Variants in PPP1R13B observed in about 807,000 individuals in gnomAD.
PPP1R13B encodes protein phosphatase 1 regulatory subunit 13B.
PPP1R13B carries 44 observed loss-of-function variants against 119.8 expected under a neutral mutation model. That is an observed-to-expected ratio of 0.37 (90% CI 0.29 to 0.47). The LOEUF (loss-of-function observed/expected upper bound fraction) is 0.47. PPP1R13B is among the 20% of genes least tolerant of loss of function. The pLI is 0.99. For missense variants in PPP1R13B, 1,227 were observed against 1,413.5 expected, an observed-to-expected ratio of 0.87 and a Z score of 2.12; for synonymous variants, 542 against 561.5, an observed-to-expected ratio of 0.97 and a Z score of 0.49.
intron 8 of PPP1R13B, chr14:103,747,338 G>C (rs947633887): frequency 2.0e-5 from 3 of 152,148 alleles, no homozygotes; most frequent in Non-Finnish European, 4.4e-5. Flanking sequence ...TTTGGGTGGA[G>C]ACGCATCTCT....
intron 3 of PPP1R13B, among the ~76,000 whole-genome samples, chr14:103,781,635 T>A (rs1286143073): frequency 1.3e-5 from 2 of 152,074 alleles, no homozygotes; most frequent in Non-Finnish European, 2.9e-5. Context: ...AAGTTAAAGG[T>A]TTTTTTGTTT....
Position 103,742,196 on chromosome 14 carries a change from A to G in PPP1R13B, c.1416T>C (p.Gly472=). The change falls in exon 11 of 17, where the codon GGT becomes GGC. Residue 472 remains glycine, a synonymous_variant. Transcript: ENST00000202556. The surrounding 1 kb of genome is among the most constrained non-coding windows in gnomAD (Gnocchi z 4.9). ...YGTYPSPTPL[G]PGSTSSLERR... ...TTTCCAGGGAGCTTGTCGACCCAGG[A>G]CCCAGAGGTGTAGGACTTGGGTATG... 2 of 1,604,220 alleles carry G rather than the reference A, an allele frequency of 1.2e-6. No homozygotes were observed. Among genetic ancestry groups the G allele is most frequent in the Non-Finnish European group, 1.7e-6 (2 of 1,179,910 alleles).
intron 1 of PPP1R13B, among the ~76,000 whole-genome samples, chr14:103,826,710 C>CAAAAAAAAAAA (rs552679526): frequency 1.1e-5 from 1 of 88,314 alleles, no homozygotes. Flanking sequence ...CTGTCTCTAC[C>CAAAAAAAAAAA]AAAAAAAAAA....
chr14:103,771,245 A>C (rs561507252), intron 4 of PPP1R13B, among the ~76,000 whole-genome samples: 2 of 152,262 alleles, frequency 1.3e-5, no homozygotes, highest in Admixed American at 1.3e-4. Flanking sequence ...GCCTTTCAGG[A>C]AAGGCCTGAC....
In PPP1R13B at chr14:103,734,489, C is replaced by CTT. The variant is rs893276097; in HGVS notation, c.*663_*664dup. 2.2e-6 allele frequency: 1 copy of CTT among 456,070 alleles called. No homozygotes were observed. Among genetic ancestry groups the CTT allele is most frequent in the South Asian group, 1.5e-5 (1 of 64,552 alleles). The allele number at this position is 456,070 out of a possible 1,614,324, so 28.3% of individuals were successfully genotyped here. On this transcript the variant is annotated 3_prime_UTR_variant, in exon 17 of 17. Transcript: ENST00000202556. ...GAGGCTCTCCCAGTTGTCACTTGGT[C>CTT]TTAGGGGTCCTGGTGCCCGTGGCGC...
intron 1 of PPP1R13B, among the ~76,000 whole-genome samples, chr14:103,805,223 C>T (rs1323307673): frequency 6.6e-6 from 1 of 152,086 alleles, no homozygotes; most frequent in Admixed American, 6.6e-5. Flanking sequence ...AATATATGTC[C>T]ACGCAAAGTC....
rs964428411 is a variant in PPP1R13B, at chr14:103,738,134, C to T, written c.2865-274G>A. 6.6e-6 allele frequency among the ~76,000 whole-genome samples: 1 copy of T among 152,254 alleles called. No homozygotes were observed. The highest frequency in any genetic ancestry group is 1.5e-5 in the Non-Finnish European group (1 of 68,050). ...TGGTGATGTGAATGTACATAACACA[C>T]TGAAACACACATTTAAAAATAGCTA... On this transcript the variant is annotated intron_variant, in intron 14 of 16. Transcript: ENST00000202556. The surrounding 1 kb of genome is among the most constrained non-coding windows in gnomAD (Gnocchi z 5.6).
At chr14:103,830,899 C>G (rs2086651473) in intron 1 of PPP1R13B, among the ~76,000 whole-genome samples, 3 of 151,884 alleles carry the variant, frequency 2.0e-5, no homozygotes, top group African/African-American at 7.3e-5. Flanking sequence ...AGAATGTAAA[C>G]TACCCCACTA....
At chr14:103,779,609 T>C (rs2085291387) in intron 3 of PPP1R13B, among the ~76,000 whole-genome samples, 1 of 120,680 alleles carries the variant, frequency 8.3e-6, no homozygotes, top group African/African-American at 3.4e-5. Context: ...AATCTGTCTC[T>C]ACAAAAAAAA....
At chr14:103,798,885 T>C (rs936752420) in intron 1 of PPP1R13B, among the ~76,000 whole-genome samples, 9 of 152,048 alleles carry the variant, frequency 5.9e-5, no homozygotes, top group African/African-American at 1.9e-4. Flanking sequence ...AGACAGGGTA[T>C]TGCCATGCTG....
chr14:103,819,333 A>C (rs1317718242), intron 1 of PPP1R13B, among the ~76,000 whole-genome samples: 2 of 152,100 alleles, frequency 1.3e-5, no homozygotes, highest in Non-Finnish European at 2.9e-5. Flanking sequence ...GCGGGGAACA[A>C]GCACAGAATT....
intron 2 of PPP1R13B, among the ~76,000 whole-genome samples, chr14:103,788,231 C>A (rs2085518948): frequency 6.6e-6 from 1 of 152,132 alleles, no homozygotes; most frequent in Non-Finnish European, 1.5e-5. Flanking sequence ...AGTATTAACA[C>A]CTGCAATTTC....
chr14:103,738,876 T>C lies in PPP1R13B; in HGVS notation c.2730+10A>G. 6.2e-7 allele frequency: 1 copy of C among 1,613,042 alleles called. No homozygotes were observed. The highest frequency in any genetic ancestry group is 1.1e-5 in the South Asian group (1 of 91,064). ...CCAGCAGCGTGCACTGGTCCCCGGC[T>C]GCAGCTCACCTCATAGATGATCCTC... On this transcript the variant is annotated intron_variant, in intron 13 of 16. Transcript: ENST00000202556. This position sits in a 1 kb window ranked among gnomAD's most constrained non-coding sequence, Gnocchi z 5.6.
rs2084212815 is a variant in PPP1R13B, at chr14:103,740,010, C to T, written c.2406G>A (p.Glu802=). ...GGGTGGTTTGGGGACAGATGAGCTCCTCTGGTTCGGGGGAAGGTAACTCAT... is the reference window on the plus strand; with the variant it reads ...GGGTGGTTTGGGGACAGATGAGCTCTTCTGGTTCGGGGGAAGGTAACTCAT... ...NDNELPSPEP[E]ELICPQTTHQ... The change falls in exon 12 of 17, where the codon GAG becomes GAA. Residue 802 remains glutamate (E), a synonymous_variant. Transcript: ENST00000202556. This position sits in a 1 kb window ranked among gnomAD's most constrained non-coding sequence, Gnocchi z 4.6. The T allele has an allele frequency of 1.9e-6, 3 of 1,613,936 alleles. No homozygotes were observed. Among genetic ancestry groups the T allele is most frequent in the Non-Finnish European group, 2.5e-6 (3 of 1,180,002 alleles).
intron 1 of PPP1R13B, among the ~76,000 whole-genome samples, chr14:103,814,429 A>G (rs962049682): frequency 6.6e-6 from 1 of 152,244 alleles, no homozygotes; most frequent in African/African-American, 2.4e-5. Context: ...GTCAGGATTT[A>G]ACCCTGGCCT....
intron 1 of PPP1R13B, among the ~76,000 whole-genome samples, chr14:103,826,089 C>G (rs1239532446): frequency 1.3e-5 from 2 of 152,006 alleles, no homozygotes; most frequent in African/African-American, 4.8e-5. Context: ...GTTGGTCAGG[C>G]TTGTCTCAAA....
intron 1 of PPP1R13B, among the ~76,000 whole-genome samples, chr14:103,820,652 AT>A (rs35928276): frequency 0.084 from 8,569 of 102,524 alleles, 255 homozygotes; most frequent in African/African-American, 0.16. Flanking sequence ...CATGCCCAGG[AT>A]TTTTTTTTTT....
At chr14:103,810,923 T>C (rs1203681603) in intron 1 of PPP1R13B, among the ~76,000 whole-genome samples, 1 of 131,866 alleles carries the variant, frequency 7.6e-6, no homozygotes, top group Non-Finnish European at 1.7e-5. Flanking sequence ...GCCCCGTCTC[T>C]ACTAAAAAAA....
At chr14:103,845,229 C>T (rs2087001168) in intron 1 of PPP1R13B, among the ~76,000 whole-genome samples, 2 of 82,426 alleles carry the variant, frequency 2.4e-5, no homozygotes, top group South Asian at 2.9e-4. Context: ...ATCTTATTTA[C>T]ATTTTTGGAT....
Sources: allele counts gnomAD v4.1 joint callset (sites outside exome capture counted in the v4.1 genomes callset), GRCh38; gene constraint gnomAD v4.1.1; non-coding constraint Gnocchi (gnomAD v3.1); transcripts MANE v1.5; gene names NCBI Gene and HGNC (gene_info 2026-07-23, HGNC 2026-07-21).